The following GPC5 variants were observed in gnomAD, a reference collection of about 807,000 sequenced individuals.
GPC5 encodes the protein glypican 5, also known as glypican-5.
A neutral mutation model predicts 53.9 loss-of-function variants in GPC5; 47 were observed. That is an observed-to-expected ratio of 0.87 (90% CI 0.69 to 1.11). GPC5 has a LOEUF of 1.11. Ranked by LOEUF, GPC5 falls within the 50% of genes most tolerant of loss-of-function variation. The pLI, the probability that GPC5 is intolerant of heterozygous loss-of-function variation, is 0.00. For missense variants in GPC5, 748 were observed against 713.1 expected, an observed-to-expected ratio of 1.05 and a Z score of -0.56; for synonymous variants, 286 against 263.3, an observed-to-expected ratio of 1.09 and a Z score of -0.84.
intron 2 of GPC5, among the ~76,000 whole-genome samples, chr13:91,494,524 C>T (rs1199978843): frequency 1.3e-5 from 2 of 152,066 alleles, no homozygotes; most frequent in African/African-American, 4.8e-5. Context: ...AGGGCTAACA[C>T]CCTTGCTGTC....
chr13:91,929,376 A>G (rs1189217783), intron 6 of GPC5, among the ~76,000 whole-genome samples: 2 of 152,052 alleles, frequency 1.3e-5, no homozygotes, highest in Non-Finnish European at 2.9e-5. Flanking sequence ...TAGGGAATCT[A>G]TCAACCATAT....
intron 7 of GPC5, among the ~76,000 whole-genome samples, chr13:92,327,770 C>T (rs2043262195): frequency 6.6e-6 from 1 of 152,134 alleles, no homozygotes; most frequent in Non-Finnish European, 1.5e-5. Context: ...CAGTATGATT[C>T]TCAAAGAGCC....
intron 3 of GPC5, among the ~76,000 whole-genome samples, chr13:91,716,072 C>G (rs141338578): frequency 2.6e-4 from 40 of 152,108 alleles, no homozygotes; most frequent in African/African-American, 9.2e-4. Context: ...AGCCACCATG[C>G]CTGGCCCATC....
chr13:92,632,954 T>A (rs1236872612), intron 7 of GPC5, among the ~76,000 whole-genome samples: 1 of 152,154 alleles, frequency 6.6e-6, no homozygotes, highest in South Asian at 2.1e-4. Flanking sequence ...ACAATGGCGC[T>A]ATCTTGGCTC....
chr13:92,014,726 A>G (rs1019723111), intron 6 of GPC5, among the ~76,000 whole-genome samples: 6 of 152,214 alleles, frequency 3.9e-5, no homozygotes, highest in South Asian at 2.1e-4. Context: ...AGTATAATAT[A>G]TACATTATTG....
In GPC5 at chr13:92,195,161, A is replaced by G. The variant is rs137919751; in HGVS notation, c.1561+50172A>G. Among the ~76,000 whole-genome samples the G allele has an allele frequency of 6.6e-5, 10 of 152,310 alleles. No individual in the cohort carries two copies. In the East Asian group the frequency reaches 1.9e-3, roughly 29 times the overall value. ...ATTATAATATTCAATATTAAGCTCT[A>G]TGCATTTTCTCATACAATAAAATAG... On this transcript the variant is annotated intron_variant, in intron 7 of 7. Coordinates refer to ENST00000377067, the MANE Select transcript of GPC5 (RefSeq NM_004466.6).
intron 7 of GPC5, among the ~76,000 whole-genome samples, chr13:92,238,039 A>T (rs1017336252): frequency 6.6e-6 from 1 of 152,040 alleles, no homozygotes; most frequent in Non-Finnish European, 1.5e-5. Flanking sequence ...TATGGTTATA[A>T]CACATTTTGT....
intron 5 of GPC5, among the ~76,000 whole-genome samples, chr13:91,901,548 A>G (rs1187885956): frequency 6.6e-6 from 1 of 152,098 alleles, no homozygotes; most frequent in Admixed American, 6.6e-5. Context: ...AAAAGTCAAC[A>G]CTTGGCAATG....
At chr13:91,546,501 C>T (rs2030295564) in intron 2 of GPC5, among the ~76,000 whole-genome samples, 1 of 151,990 alleles carries the variant, frequency 6.6e-6, no homozygotes, top group African/African-American at 2.4e-5. Context: ...CTGCCTTTAG[C>T]CATGTGATTT....
intron 3 of GPC5, among the ~76,000 whole-genome samples, chr13:91,722,675 T>G (rs909607091): frequency 2.6e-5 from 4 of 152,160 alleles, no homozygotes; most frequent in African/African-American, 7.2e-5. Context: ...ATGGGAAAAT[T>G]TATGACAATA....
At chr13:92,456,509 A>G (rs542255794) in intron 7 of GPC5, among the ~76,000 whole-genome samples, 4 of 152,276 alleles carry the variant, frequency 2.6e-5, no homozygotes, top group African/African-American at 9.6e-5. Flanking sequence ...ACCTTGGACT[A>G]GCTACATAAT....
intron 7 of GPC5, among the ~76,000 whole-genome samples, chr13:92,213,356 G>A (rs538347082): frequency 6.6e-6 from 1 of 152,080 alleles, no homozygotes; most frequent in South Asian, 2.1e-4. Context: ...ACAATAACTT[G>A]CAGTGACTAG....
chr13:92,748,310 T>TA (rs1889288839), intron 7 of GPC5, among the ~76,000 whole-genome samples: 4 of 125,306 alleles, frequency 3.2e-5, no homozygotes, highest in South Asian at 6.1e-4. Context: ...CTGCATTTTA[T>TA]TTTATTATTA....
chr13:92,621,156 GAT>G (rs1884856336), intron 7 of GPC5, among the ~76,000 whole-genome samples: 1 of 152,132 alleles, frequency 6.6e-6, no homozygotes, highest in East Asian at 1.9e-4. Flanking sequence ...AATGAGAAAA[GAT>G]AACGTTTTAT....
chr13:92,770,523 C>A (rs937117591), intron 7 of GPC5, among the ~76,000 whole-genome samples: 4 of 151,758 alleles, frequency 2.6e-5, no homozygotes, highest in African/African-American at 9.7e-5. Context: ...TCTTATATCT[C>A]TTAGCTGACC....
chr13:91,800,011 T>A (rs1359475002), intron 5 of GPC5, among the ~76,000 whole-genome samples: 4 of 151,906 alleles, frequency 2.6e-5, no homozygotes, highest in Admixed American at 6.6e-5. Flanking sequence ...TCAACCCTAG[T>A]TTTTTTTCTT....
intron 6 of GPC5, among the ~76,000 whole-genome samples, chr13:92,011,397 A>C (rs1210138832): frequency 6.6e-6 from 1 of 152,230 alleles, no homozygotes; most frequent in Non-Finnish European, 1.5e-5. Flanking sequence ...GAAAAGTCAA[A>C]GTCACAGGAC....
chr13:91,992,756 A>G (rs1028766425), intron 6 of GPC5, among the ~76,000 whole-genome samples: 2 of 152,122 alleles, frequency 1.3e-5, no homozygotes, highest in African/African-American at 4.8e-5. Flanking sequence ...ATGCCTGGCT[A>G]AAGCTATTTA....
intron 7 of GPC5, among the ~76,000 whole-genome samples, chr13:92,676,660 T>C (rs768882329): frequency 4.6e-5 from 7 of 152,168 alleles, no homozygotes; most frequent in Non-Finnish European, 7.3e-5. Flanking sequence ...ACAGGTAGCA[T>C]TCCACAGACC....
Sources: allele counts gnomAD v4.1 joint callset (sites outside exome capture counted in the v4.1 genomes callset), GRCh38; gene constraint gnomAD v4.1.1; transcripts MANE v1.5; gene names NCBI Gene and HGNC (gene_info 2026-07-23, HGNC 2026-07-21).